SCARB1: variants seen among roughly 807,000 people sequenced by gnomAD.
SCARB1 encodes scavenger receptor class B member 1.
Under a neutral mutation model 57.2 loss-of-function variants are expected in SCARB1, and 30 were observed. That is an observed-to-expected ratio of 0.52 (90% CI 0.39 to 0.71). The LOEUF is 0.71. SCARB1 is among the 30% of genes least tolerant of loss of function. The probability of loss-of-function intolerance (pLI) is 0.00; values close to 1 mark genes in which losing one functional copy is unlikely to be tolerated. For missense variants in SCARB1, 543 were observed against 671.2 expected (o/e 0.81, Z 2.11); for synonymous variants, 249 against 268.3 (o/e 0.93, Z 0.70).
intron 1 of SCARB1, among the ~76,000 whole-genome samples, chr12:124,829,225 G>A (rs554511978): frequency 1.3e-4 from 20 of 152,288 alleles, no homozygotes; most frequent in African/African-American, 4.3e-4. Flanking sequence ...CAGCAAGGCT[G>A]GGCTGCTCTC....
In SCARB1 at chr12:124,810,287, A is replaced by G. The variant is rs759669126; in HGVS notation, c.729T>C (p.Val243=). ...TGCACTGATCGGAATGCCAGAAGTCAACCTGGGGGGAAGCATCCAGACTAG... is the reference window on the plus strand; with the variant it reads ...TGCACTGATCGGAATGCCAGAAGTCGACCTGGGGGGAAGCATCCAGACTAG... ...LVDKWNGLSK[V]DFWHSDQCNM... Residue 243 remains valine (V), a splice_region_variant and synonymous_variant, in exon 6 of 13, where the codon GTT becomes GTC. Coordinates refer to ENST00000261693, the MANE Select transcript of SCARB1 (RefSeq NM_005505.5). This position sits in a 1 kb window ranked among gnomAD's most constrained non-coding sequence, Gnocchi z 4.0. 1.4e-5 allele frequency: 23 copies of G among 1,611,682 alleles called. No homozygotes were observed. The highest frequency in any genetic ancestry group is 4.0e-5 in the African/African-American group (3 of 74,888).
chr12:124,858,399 C>A (rs1447880785), intron 1 of SCARB1, among the ~76,000 whole-genome samples: 1 of 152,148 alleles, frequency 6.6e-6, no homozygotes, highest in East Asian at 1.9e-4. Context: ...CCTGTCCAAA[C>A]ACCTCTCTCC....
intron 1 of SCARB1, among the ~76,000 whole-genome samples, chr12:124,859,293 C>G (rs1325347123): frequency 6.6e-6 from 1 of 152,090 alleles, no homozygotes; most frequent in South Asian, 2.1e-4. Flanking sequence ...TTTGGGAGGC[C>G]GAGAGGGGAA....
chr12:124,805,735 TTTTTTTTTTTTTTTG>T (rs953509208), intron 7 of SCARB1, among the ~76,000 whole-genome samples: 1 of 128,618 alleles, frequency 7.8e-6, no homozygotes, highest in African/African-American at 3.5e-5. Context: ...ATTTTTTTTT[TTTTTTTTTTTTTTTG>T]GCCAGAGAGA....
intron 1 of SCARB1, among the ~76,000 whole-genome samples, chr12:124,845,041 G>T (rs987157559): frequency 2.0e-5 from 3 of 151,990 alleles, no homozygotes; most frequent in African/African-American, 7.3e-5. Flanking sequence ...CAAGGTCCAA[G>T]GACACACTCA....
At chr12:124,786,119 C>T in intron 11 of SCARB1, 1 of 1,537,374 alleles carries the variant, frequency 6.5e-7, no homozygotes. Context: ...GTGCCCCCTC[C>T]AAGGGAGGGT....
intron 9 of SCARB1, among the ~76,000 whole-genome samples, chr12:124,793,923 C>T (rs1160545910): frequency 6.6e-6 from 1 of 152,144 alleles, no homozygotes; most frequent in East Asian, 1.9e-4. Context: ...CGTCCATCAA[C>T]CGATAAATAA....
chr12:124,798,016 G>A (rs991765229), intron 8 of SCARB1, among the ~76,000 whole-genome samples: 2 of 152,230 alleles, frequency 1.3e-5, no homozygotes, highest in African/African-American at 2.4e-5. Context: ...TCCCATGTAC[G>A]CTGTGGCCAA....
At position 124,812,091 on chromosome 12, in the gene SCARB1, C is replaced by A; in HGVS notation, c.631-126G>T. On this transcript the variant is annotated intron_variant, in intron 4 of 12. Transcript: ENST00000261693. This position sits in a 1 kb window ranked among gnomAD's most constrained non-coding sequence, Gnocchi z 4.3. ...AGGACAGGGCCCCCAGCATCTGGTT[C>A]ACTGCCAAATGCCCAGTGTCTGGGG... 1.3e-6 allele frequency: 1 copy of A among 749,024 alleles called. No individual in the cohort carries two copies. 46.4% of individuals were successfully genotyped at this position (749,024 alleles called of 1,614,324 possible). A position where few individuals can be genotyped will look rare whatever the true frequency, so the allele number is the denominator to read the frequency against.
At chr12:124,813,795 G>A (rs1404771560) in intron 4 of SCARB1, among the ~76,000 whole-genome samples, 1 of 152,106 alleles carries the variant, frequency 6.6e-6, no homozygotes, top group Admixed American at 6.5e-5. Flanking sequence ...GGGAGCCAAG[G>A]TCAGGGTCAG....
At chr12:124,805,465 G>A (rs1343645527) in intron 7 of SCARB1, among the ~76,000 whole-genome samples, 1 of 151,986 alleles carries the variant, frequency 6.6e-6, no homozygotes, top group Non-Finnish European at 1.5e-5. Flanking sequence ...AGAGAGGCCG[G>A]TAGGGGCTGG....
intron 1 of SCARB1, among the ~76,000 whole-genome samples, chr12:124,858,325 C>G (rs1952723449): frequency 6.6e-6 from 1 of 152,168 alleles, no homozygotes; most frequent in Admixed American, 6.5e-5. Context: ...TGAACCCTGC[C>G]TGGTGCACAG....
chr12:124,847,892 C>T (rs1182923944), intron 1 of SCARB1, among the ~76,000 whole-genome samples: 3 of 152,162 alleles, frequency 2.0e-5, no homozygotes, highest in East Asian at 3.9e-4. Flanking sequence ...GGGAAGACCA[C>T]GTGCACTCCT....
intron 7 of SCARB1, among the ~76,000 whole-genome samples, chr12:124,806,320 G>A (rs1440310967): frequency 6.6e-6 from 1 of 152,106 alleles, no homozygotes; most frequent in Non-Finnish European, 1.5e-5. Context: ...ACAAACTGAC[G>A]CCCGAGGGTC....
At chr12:124,856,814 C>G (rs886532652) in intron 1 of SCARB1, among the ~76,000 whole-genome samples, 1 of 152,222 alleles carries the variant, frequency 6.6e-6, no homozygotes, top group African/African-American at 2.4e-5. Context: ...GGAGTCCAGC[C>G]CCCGGGGTCA....
intron 9 of SCARB1, among the ~76,000 whole-genome samples, chr12:124,788,218 A>G (rs1380187441): frequency 6.6e-6 from 1 of 152,142 alleles, no homozygotes; most frequent in African/African-American, 2.4e-5. Flanking sequence ...ACAACTTGAA[A>G]ATAATCTTTT....
At chr12:124,841,841 C>T (rs895127556) in intron 1 of SCARB1, among the ~76,000 whole-genome samples, 2 of 152,162 alleles carry the variant, frequency 1.3e-5, no homozygotes, top group Admixed American at 6.5e-5. Flanking sequence ...TAGCTCTTCT[C>T]GCCACCCCAC....
intron 12 of SCARB1, among the ~76,000 whole-genome samples, chr12:124,780,179 G>A (rs899944013): frequency 8.5e-5 from 13 of 152,106 alleles, no homozygotes; most frequent in African/African-American, 2.7e-4. Context: ...AAGAAAGATC[G>A]GTGAGAAGCT....
intron 1 of SCARB1, among the ~76,000 whole-genome samples, chr12:124,858,384 G>C (rs1952725510): frequency 6.6e-6 from 1 of 152,072 alleles, no homozygotes; most frequent in South Asian, 2.1e-4. Context: ...GCGGCCCTTA[G>C]TGTGCCTGTC....
Sources: allele counts gnomAD v4.1 joint callset (sites outside exome capture counted in the v4.1 genomes callset), GRCh38; gene constraint gnomAD v4.1.1; non-coding constraint Gnocchi (gnomAD v3.1); transcripts MANE v1.5; gene names NCBI Gene and HGNC (gene_info 2026-07-23, HGNC 2026-07-21).